The following SENP1 variants were observed in gnomAD, a reference collection of about 807,000 sequenced individuals.
SENP1 encodes the protein SUMO specific peptidase 1.
In SENP1, 21 loss-of-function variants were observed where a neutral mutation model predicts 93.0. That is an observed-to-expected ratio of 0.23 (90% CI 0.16 to 0.33). The LOEUF (loss-of-function observed/expected upper bound fraction) is 0.33, where lower values mean the gene tolerates loss of function less well. Ranked by LOEUF, SENP1 falls within the 10% of genes least tolerant of loss-of-function variation. The pLI is 1.00. For missense variants in SENP1, 591 were observed against 758.7 expected (o/e 0.78, Z 2.60); for synonymous variants, 256 against 259.6 (o/e 0.99, Z 0.13).
At chr12:48,103,153 C>A (rs1946068794) in intron 1 of SENP1, among the ~76,000 whole-genome samples, 1 of 152,138 alleles carries the variant, frequency 6.6e-6, no homozygotes, top group African/African-American at 2.4e-5. Flanking sequence ...AAGAAGAATG[C>A]CAACTTAAAA....
chr12:48,062,517 G>A (rs1374238701), intron 13 of SENP1, among the ~76,000 whole-genome samples: 2 of 152,152 alleles, frequency 1.3e-5, no homozygotes, highest in Admixed American at 1.3e-4. Context: ...CCAACCAGTG[G>A]CAAAAAGAAT....
Position 48,083,697 on chromosome 12 carries a change from G to C in SENP1, c.446C>G (p.Ser149Cys), listed in dbSNP as rs920915840. The change falls in exon 6 of 18, where the codon TCT becomes TGT. Residue 149 changes from serine to cysteine, a missense_variant. Coordinates refer to ENST00000549518, the MANE Select transcript of SENP1 (RefSeq NM_001267594.2). ...HHCHVSAYEK[S>C]FPIKPVPSPS... ...ACTTGGAACAGGTTTAATAGGAAAA[G>C]ATTTTTCATATGCAGATACATGGCA... 6.2e-7 allele frequency: 1 copy of C among 1,613,060 alleles called. No individual in the cohort carries two copies. Among genetic ancestry groups the C allele is most frequent in the Non-Finnish European group, 8.5e-7 (1 of 1,179,236 alleles).
intron 13 of SENP1, among the ~76,000 whole-genome samples, chr12:48,056,308 A>G (rs1942323867): frequency 9.9e-6 from 1 of 101,378 alleles, no homozygotes; most frequent in African/African-American, 4.3e-5. Flanking sequence ...TATTTAATAT[A>G]TTACATATCA....
At chr12:48,070,236 C>A (rs528223048) in intron 9 of SENP1, among the ~76,000 whole-genome samples, 4 of 152,160 alleles carry the variant, frequency 2.6e-5, no homozygotes, top group African/African-American at 9.6e-5. Flanking sequence ...TGAAAATAGT[C>A]CAGCTTATAA....
rs1275366228 is a variant in SENP1 at position 48,106,070 on chromosome 12, C to T, written c.-87G>A. ...CCATGCGAAGGGGTTTCCGGCCGGGCGCGGAACGCAAAACCCGGGAACCGC... is the reference window on the plus strand; with the variant it reads ...CCATGCGAAGGGGTTTCCGGCCGGGTGCGGAACGCAAAACCCGGGAACCGC... On this transcript the variant is annotated 5_prime_UTR_variant, in exon 1 of 18. Coordinates refer to ENST00000549518, the MANE Select transcript of SENP1 (RefSeq NM_001267594.2). 2.8e-6 allele frequency: 2 copies of T among 702,508 alleles called. No individual in the cohort carries two copies. The highest frequency in any genetic ancestry group is 4.0e-5 in the Admixed American group (2 of 50,000). The allele number at this position is 702,508 out of a possible 1,614,324, so 43.5% of individuals were successfully genotyped here.
intron 6 of SENP1, among the ~76,000 whole-genome samples, chr12:48,077,896 A>T (rs569561955): frequency 6.6e-6 from 1 of 152,234 alleles, no homozygotes; most frequent in East Asian, 1.9e-4. Flanking sequence ...CTTTCTGCTC[A>T]TAATTGCCTT....
intron 13 of SENP1, among the ~76,000 whole-genome samples, chr12:48,057,345 T>A (rs1208573796): frequency 6.8e-6 from 1 of 147,686 alleles, no homozygotes; most frequent in African/African-American, 2.5e-5. Flanking sequence ...TTCTCGTGCC[T>A]CAGCCTCCTG....
Position 48,046,357 on chromosome 12 carries a change from T to G in SENP1, c.1871A>C (p.Gln624Pro), listed in dbSNP as rs372920723. The G allele has an allele frequency of 1.2e-6, 2 of 1,607,846 alleles. No homozygotes were observed. The highest frequency in any genetic ancestry group is 1.3e-5 in the African/African-American group (1 of 74,768). ...CTCCCTATGGAAGGCTCAGCTCACC[T>G]GTGTGAAGTTGATTGGTCTGTCTTT... ...ITKDRPINFT[Q>P]QHMPYFRKRM... is the part of the protein sequence containing the mutation. Residue 624 changes from glutamine to proline, a missense_variant and splice_region_variant, in exon 17 of 18, where the codon CAG becomes CCG. Around this residue, in one of 4 missense-constraint regions of SENP1, gnomAD observed 132 missense variants for 230.1 expected, o/e 0.57. Transcript: ENST00000549518.
In SENP1 at chr12:48,083,771, A is replaced by G. The variant is rs756201270; in HGVS notation, c.381-9T>C. ...AACTGTTTGATAATCCACTAAAAAA[A>G]GAGTTTGTAAGAAAGATAAGAACAG... is the stretch of plus-strand genomic sequence containing the variant. On this transcript the variant is annotated splice_polypyrimidine_tract_variant and intron_variant, in intron 5 of 17. Transcript: ENST00000549518. 3 of 1,581,178 alleles carry G rather than the reference A, an allele frequency of 1.9e-6. No homozygotes were observed. Among genetic ancestry groups the G allele is most frequent in the Non-Finnish European group, 2.6e-6 (3 of 1,163,802 alleles).
intron 2 of SENP1, among the ~76,000 whole-genome samples, chr12:48,101,103 T>G (rs757980629): frequency 6.6e-6 from 1 of 152,106 alleles, no homozygotes; most frequent in Non-Finnish European, 1.5e-5. Context: ...CTGGCCAACA[T>G]GGCGAAACCC....
chr12:48,073,273 G>T (rs1224078434), intron 8 of SENP1, among the ~76,000 whole-genome samples: 2 of 145,660 alleles, frequency 1.4e-5, no homozygotes, highest in African/African-American at 5.3e-5. Flanking sequence ...AGGAGTTTGG[G>T]TTTTTTGGCT....
chr12:48,087,218 A>C (rs908826936), intron 5 of SENP1, among the ~76,000 whole-genome samples: 1 of 152,264 alleles, frequency 6.6e-6, no homozygotes, highest in Non-Finnish European at 1.5e-5. Context: ...TTACAAAAGA[A>C]TATGTATACT....
At chr12:48,096,286 T>C (rs988564861) in intron 4 of SENP1, 57 bp downstream of exon 4, 2 of 920,582 alleles carry the variant, frequency 2.2e-6, no homozygotes, top group East Asian at 2.5e-5. Context: ...ATAAACGATA[T>C]GCTATCAAGA....
chr12:48,101,888 C>T (rs1414664746), intron 1 of SENP1, among the ~76,000 whole-genome samples: 2 of 152,172 alleles, frequency 1.3e-5, no homozygotes, highest in Admixed American at 6.5e-5. Flanking sequence ...TGTTCTATTA[C>T]CTCATGCTAA....
chr12:48,103,441 A>C (rs976504725), intron 1 of SENP1, among the ~76,000 whole-genome samples: 1 of 152,216 alleles, frequency 6.6e-6, no homozygotes, highest in Non-Finnish European at 1.5e-5. Flanking sequence ...GTAATCCCTC[A>C]CTAACCCTGG....
In SENP1 at chr12:48,103,712, T is replaced by TG. The variant is rs529224056; in HGVS notation, c.-44-2197dup. Among the ~76,000 whole-genome samples, 262 of 152,320 alleles carry TG rather than the reference T, an allele frequency of 1.7e-3. 1 individual carries two copies. Among genetic ancestry groups the TG allele is most frequent in the African/African-American group, 6.2e-3 (256 of 41,570 alleles). On this transcript the variant is annotated intron_variant, in intron 1 of 17. Coordinates refer to ENST00000549518, the MANE Select transcript of SENP1 (RefSeq NM_001267594.2). The stretch of plus-strand genomic sequence containing the variant: ...TAATAATTCATTTCCTAGTATACAC[T>TG]GGTCATGTAATTTACTGAAAGAACA...
chr12:48,046,828 G>C (rs2136737988), intron 16 of SENP1, 150 bp downstream of exon 16: 2 of 607,810 alleles, frequency 3.3e-6, no homozygotes, highest in East Asian at 5.6e-5. Context: ...CCTACGGATA[G>C]CTTAATTTAT....
At chr12:48,084,015 C>A (rs898800791) in intron 5 of SENP1, among the ~76,000 whole-genome samples, 8 of 152,172 alleles carry the variant, frequency 5.3e-5, no homozygotes, top group African/African-American at 1.7e-4. Context: ...GATCCACAAT[C>A]TAGAATTTAT....
chr12:48,047,232 G>A (rs958792470), intron 15 of SENP1, among the ~76,000 whole-genome samples, 170 bp from the exon 16 acceptor site: 1 of 152,164 alleles, frequency 6.6e-6, no homozygotes, highest in African/African-American at 2.4e-5. Flanking sequence ...GTTTTCTCCA[G>A]AGCTGAGCAT....
Sources: gnomAD v4.1 joint callset for allele counts (sites outside exome capture counted in the v4.1 genomes callset) on GRCh38, gnomAD v4.1.1 for gene constraint, gnomAD v4.1.1 regional missense constraint, MANE v1.5 for transcripts, NCBI Gene and HGNC (gene_info 2026-07-23, HGNC 2026-07-21) for gene names.